The following ARMC2 variants were observed in gnomAD, a reference collection of about 807,000 sequenced individuals.
ARMC2 encodes armadillo repeat-containing protein 2.
A neutral mutation model predicts 90.3 loss-of-function variants in ARMC2; 67 were observed. The ratio of observed to expected loss-of-function variants is 0.74; its 90% CI spans 0.61 to 0.91. ARMC2 has a LOEUF of 0.91. ARMC2 is among the 40% of genes least tolerant of loss of function. ARMC2 has a pLI of 0.00. For synonymous variants in ARMC2, 393 were observed against 393.0 expected, an observed-to-expected ratio of 1.00 and a Z score of 0.00; for missense variants, 920 against 1,030.9, an observed-to-expected ratio of 0.89 and a Z score of 1.47.
At chr6:109,032,213 G>A in the ARMC2 span, among the ~76,000 whole-genome samples, 3 of 151,650 alleles carry the variant, frequency 2.0e-5, no homozygotes, top group Admixed American at 6.6e-5. Flanking sequence ...CGGAGGTTGC[G>A]GTGAGCTGAG....
At chr6:108,881,198 GTTTCTTTCTTTCCTTTCT>G (rs1157472686) in intron 5 of ARMC2, among the ~76,000 whole-genome samples, 6 of 143,956 alleles carry the variant, frequency 4.2e-5, no homozygotes, top group Admixed American at 6.9e-5. Context: ...TTCTTTCTTT[GTTTCTTTCTTTCCTTTCT>G]TTTCTTTCTT....
At chr6:109,007,851 G>C in the ARMC2 span, among the ~76,000 whole-genome samples, 2 of 135,224 alleles carry the variant, frequency 1.5e-5, no homozygotes, top group Non-Finnish European at 3.1e-5. Flanking sequence ...CTGACTTTAA[G>C]TTACTGCATT....
chr6:108,989,514 TATAGAG>T, the ARMC2 span, among the ~76,000 whole-genome samples: 24 of 150,904 alleles, frequency 1.6e-4, no homozygotes, highest in African/African-American at 2.7e-4. Flanking sequence ...TCTATATATA[TATAGAG>T]AGATATCTAT....
intron 12 of ARMC2, among the ~76,000 whole-genome samples, chr6:108,945,933 C>T (rs1776772184): frequency 6.6e-6 from 1 of 152,230 alleles, no homozygotes; most frequent in South Asian, 2.1e-4. Context: ...CCCAGCTTGT[C>T]CTCTGCCTCC....
chr6:109,030,892 C>T, the ARMC2 span, among the ~76,000 whole-genome samples: 23 of 152,316 alleles, frequency 1.5e-4, no homozygotes, highest in African/African-American at 4.6e-4. Context: ...AAATGCAGGT[C>T]TGCTCTGACT....
intron 5 of ARMC2, among the ~76,000 whole-genome samples, chr6:108,881,769 G>C (rs1443420882): frequency 6.6e-6 from 1 of 152,102 alleles, no homozygotes; most frequent in African/African-American, 2.4e-5. Flanking sequence ...ATGTGAAAGG[G>C]CTTTTGTGTG....
intron 4 of ARMC2, among the ~76,000 whole-genome samples, chr6:108,873,173 T>C (rs974411339): frequency 1.3e-5 from 2 of 152,228 alleles, no homozygotes; most frequent in African/African-American, 4.8e-5. Context: ...CACCAATTTA[T>C]GGCCACTGAA....
At chr6:108,887,254 G>A (rs1177920580) in intron 5 of ARMC2, among the ~76,000 whole-genome samples, 2 of 152,024 alleles carry the variant, frequency 1.3e-5, no homozygotes, top group African/African-American at 4.8e-5. Flanking sequence ...TATTTCTTTG[G>A]GGTGCATGTG....
chr6:109,017,314 C>T, the ARMC2 span, among the ~76,000 whole-genome samples: 1 of 152,086 alleles, frequency 6.6e-6, no homozygotes, highest in Non-Finnish European at 1.5e-5. Flanking sequence ...TAGACAGAGT[C>T]TCACTCTGTC....
At chr6:108,906,153 G>C (rs1772671878) in intron 8 of ARMC2, among the ~76,000 whole-genome samples, 1 of 152,032 alleles carries the variant, frequency 6.6e-6, no homozygotes, top group Non-Finnish European at 1.5e-5. Flanking sequence ...CTTTGTGTCA[G>C]AAACTCTTAC....
intron 10 of ARMC2, among the ~76,000 whole-genome samples, chr6:108,913,584 A>G (rs1273832646): frequency 6.6e-6 from 1 of 152,254 alleles, no homozygotes; most frequent in African/African-American, 2.4e-5. Flanking sequence ...TAGAATAATT[A>G]TATTTCCTGT....
In ARMC2 at chr6:108,927,953, G is replaced by C. The variant is rs771883540; in HGVS notation, c.1351-135G>C. 12 of 833,948 alleles carry C rather than the reference G, an allele frequency of 1.4e-5. 1 individual carries two copies. The highest frequency in any genetic ancestry group is 2.1e-5 in the Non-Finnish European group (12 of 570,066). 51.7% of individuals were successfully genotyped at this position (833,948 alleles called of 1,614,324 possible). On this transcript the variant is annotated intron_variant, in intron 10 of 17. Coordinates refer to ENST00000392644, the MANE Select transcript of ARMC2 (RefSeq NM_032131.6). The stretch of plus-strand genomic sequence containing the variant: ...ACTTGTGCCTAGGCTCACATTCCCT[G>C]GTGGGAGATGCATAGCGGGAGCTTT...
rs970774949 is a variant in ARMC2, at chr6:108,970,647, G to A, written c.2447-2710G>A. 2.6e-5 allele frequency among the ~76,000 whole-genome samples: 4 copies of A among 151,318 alleles called. No individual in the cohort carries two copies. The East Asian group carries it at 5.9e-4, about 22-fold the overall frequency. ...CAAGTAGCTGGGACTACAGGAGCCC[G>A]CCACATGCCTGGCTAATTTTTTGTA... On this transcript the variant is annotated intron_variant, in intron 17 of 17. Coordinates refer to ENST00000392644, the MANE Select transcript of ARMC2 (RefSeq NM_032131.6).
At chr6:109,047,536 C>T in the ARMC2 span, among the ~76,000 whole-genome samples, 293 of 132,672 alleles carry the variant, frequency 2.2e-3, no homozygotes, top group African/African-American at 7.5e-3. Context: ...TCTGCCCGGC[C>T]GCCCCTACTG....
At chr6:109,035,895 C>T in the ARMC2 span, among the ~76,000 whole-genome samples, 1 of 152,182 alleles carries the variant, frequency 6.6e-6, no homozygotes, top group Non-Finnish European at 1.5e-5. Flanking sequence ...GACGTGACCA[C>T]TGCACCACTA....
intron 5 of ARMC2, among the ~76,000 whole-genome samples, chr6:108,893,856 A>G (rs1486355373): frequency 2.6e-5 from 4 of 152,120 alleles, no homozygotes; most frequent in African/African-American, 9.7e-5. Flanking sequence ...CGTCTCTACT[A>G]AAAATACAAA....
At chr6:108,893,607 A>C (rs1413346681) in intron 5 of ARMC2, among the ~76,000 whole-genome samples, 1 of 152,230 alleles carries the variant, frequency 6.6e-6, no homozygotes, top group Non-Finnish European at 1.5e-5. Context: ...TTTTGTTTTG[A>C]TTTGCAAAGT....
chr6:108,854,556 T>C (rs752243834), intron 2 of ARMC2, 71 bp downstream of exon 2: 5 of 1,438,230 alleles, frequency 3.5e-6, no homozygotes, highest in Non-Finnish European at 4.8e-6. Context: ...TTAATTCTAC[T>C]TAAGGTTAGC....
At position 108,910,921 on chromosome 6, in the gene ARMC2, T is replaced by C. The variant is rs1298820706; in HGVS notation, c.1046T>C (p.Leu349Pro). 1 of 1,565,092 alleles carries C rather than the reference T, an allele frequency of 6.4e-7. No homozygotes were observed. Among genetic ancestry groups the C allele is most frequent in the Non-Finnish European group, 8.7e-7 (1 of 1,151,516 alleles). Residue 349 changes from leucine (L) to proline (P), a missense_variant, in exon 9 of 18, where the codon CTT becomes CCT. Leu to Pro is a moderately conservative substitution (Grantham distance 98). Transcript: ENST00000392644. ...ILALKVSRKN[L>P]LNVCKLIFKI... ...CAGCTTAAAGTGAGTAGAAAGAATC[T>C]TCTTAATGTCTGCAAACTTATATTT...
Sources: allele counts gnomAD v4.1 joint callset (sites outside exome capture counted in the v4.1 genomes callset), GRCh38; gene constraint gnomAD v4.1.1; transcripts MANE v1.5; gene names NCBI Gene and HGNC (gene_info 2026-07-23, HGNC 2026-07-21).